Variants in ARSG observed in about 807,000 individuals in gnomAD.
The protein encoded by ARSG is ASG.
A neutral mutation model predicts 50.5 loss-of-function variants in ARSG; 37 were observed. The ratio of observed to expected loss-of-function variants is 0.73; its 90% CI spans 0.56 to 0.96. The LOEUF is 0.96. ARSG is among the 50% of genes least tolerant of loss of function. ARSG has a pLI of 0.00. For synonymous variants in ARSG, 225 were observed against 254.6 expected (o/e 0.88, Z 1.11); for missense variants, 629 against 675.3 (o/e 0.93, Z 0.76).
the ARSG span, among the ~76,000 whole-genome samples, chr17:68,437,967 A>AAAAAAAG: frequency 7.4e-6 from 1 of 135,632 alleles, no homozygotes; most frequent in African/African-American, 2.7e-5. Flanking sequence ...AAAAAAAAAA[A>AAAAAAAG]AAAAAAGTGA....
intron 1 of ARSG, among the ~76,000 whole-genome samples, chr17:68,301,193 C>T (rs148039895): frequency 6.6e-6 from 1 of 152,000 alleles, no homozygotes; most frequent in Non-Finnish European, 1.5e-5. Context: ...TCAAAGATGT[C>T]TTGTGCATCT....
chr17:68,365,769 A>C (rs1323274458), intron 6 of ARSG, among the ~76,000 whole-genome samples: 1 of 152,160 alleles, frequency 6.6e-6, no homozygotes, highest in Non-Finnish European at 1.5e-5. Flanking sequence ...ATGTCACCGA[A>C]TATGGCATTG....
At chr17:68,352,059 CAG>C (rs2078791160) in intron 5 of ARSG, among the ~76,000 whole-genome samples, 2 of 120,954 alleles carry the variant, frequency 1.7e-5, no homozygotes, top group Non-Finnish European at 3.4e-5. Flanking sequence ...AGGAGAGAGA[CAG>C]AGGAGAGAGA....
chr17:68,284,243 A>C (rs1169801069), intron 1 of ARSG, among the ~76,000 whole-genome samples: 1 of 151,996 alleles, frequency 6.6e-6, no homozygotes, highest in Non-Finnish European at 1.5e-5. Flanking sequence ...TCTGCTAAAA[A>C]TGCAAAAACT....
At chr17:68,318,585 C>A (rs1278683692) in intron 2 of ARSG, among the ~76,000 whole-genome samples, 2 of 152,236 alleles carry the variant, frequency 1.3e-5, no homozygotes, top group African/African-American at 2.4e-5. Flanking sequence ...AGATACTTCC[C>A]ATTTGCTTGA....
chr17:68,451,887 T>C, the ARSG span, among the ~76,000 whole-genome samples: 98 of 152,356 alleles, frequency 6.4e-4, 1 homozygote, highest in African/African-American at 2.3e-3. Context: ...CACATTCTTT[T>C]CATATGTGTG....
intron 2 of ARSG, among the ~76,000 whole-genome samples, chr17:68,312,069 C>G (rs1248405434): frequency 3.9e-5 from 6 of 151,996 alleles, no homozygotes; most frequent in Admixed American, 2.0e-4. Context: ...CAAAGTGCTG[C>G]GATTACAGGT....
the ARSG span, among the ~76,000 whole-genome samples, chr17:68,451,233 C>A: frequency 6.6e-6 from 1 of 152,298 alleles, no homozygotes; most frequent in South Asian, 2.1e-4. Flanking sequence ...GAGTTCAAGA[C>A]CAGCCTGGCC....
At chr17:68,386,166 G>A (rs1433123862) in intron 9 of ARSG, among the ~76,000 whole-genome samples, 1 of 152,178 alleles carries the variant, frequency 6.6e-6, no homozygotes, top group Admixed American at 6.5e-5. Flanking sequence ...CCCAGCTATG[G>A]AACCATGACT....
At chr17:68,292,059 C>G (rs781804521) in intron 1 of ARSG, among the ~76,000 whole-genome samples, 11 of 152,128 alleles carry the variant, frequency 7.2e-5, no homozygotes, top group Non-Finnish European at 1.0e-4. Flanking sequence ...GTTCCCCTTC[C>G]GGCAGTGGGG....
intron 1 of ARSG, chr17:68,269,025 C>CCTTGTGT (rs2075241322): frequency 6.3e-7 from 1 of 1,592,100 alleles, no homozygotes; most frequent in African/African-American, 1.4e-5. Context: ...TCCTCTGCCT[C>CCTTGTGT]CTTGTGTCCC....
intron 6 of ARSG, among the ~76,000 whole-genome samples, chr17:68,362,670 C>T (rs939371676): frequency 2.6e-5 from 4 of 152,100 alleles, no homozygotes; most frequent in South Asian, 2.1e-4. Flanking sequence ...TATACTTAAC[C>T]GGCTGAGCAT....
At chr17:68,439,785 C>T in the ARSG span, among the ~76,000 whole-genome samples, 1 of 152,156 alleles carries the variant, frequency 6.6e-6, no homozygotes, top group Non-Finnish European at 1.5e-5. Flanking sequence ...AGGCCTGTTT[C>T]CTGTCTGTGA....
Position 68,381,291 on chromosome 17 carries a change from A to G in ARSG, c.983-3773A>G, listed in dbSNP as rs1465428591. Among the ~76,000 whole-genome samples the G allele has an allele frequency of 6.6e-6, 1 of 152,166 alleles. No homozygotes were observed. The highest frequency in any genetic ancestry group is 1.5e-5 in the Non-Finnish European group (1 of 68,022). On this transcript the variant is annotated intron_variant, in intron 8 of 11. Coordinates refer to ENST00000621439, the MANE Select transcript of ARSG (RefSeq NM_001267727.2). The surrounding 1 kb of genome is among the most constrained non-coding windows in gnomAD (Gnocchi z 4.1). ...GAAGCACAAATAAGCAAATTCATGA[A>G]TCATGGTTTTGTTGATATTTTGGTT...
chr17:68,366,231 G>T lies in ARSG; in HGVS notation c.705-2317G>T, dbSNP rs535001000. On this transcript the variant is annotated intron_variant, in intron 6 of 11. Coordinates refer to ENST00000621439, the MANE Select transcript of ARSG (RefSeq NM_001267727.2). ...TGGGATTACAGGTGTGAGCCACTACGCCTGGCAAAAAAATAAAATAAAATA... is the reference window on the plus strand; with the variant it reads ...TGGGATTACAGGTGTGAGCCACTACTCCTGGCAAAAAAATAAAATAAAATA... 4.1e-5 allele frequency among the ~76,000 whole-genome samples: 5 copies of T among 123,320 alleles called. No individual in the cohort carries two copies. The East Asian group carries it at 8.1e-4, about 20-fold the overall frequency. The allele number at this position is 123,320 out of a possible 152,430, so 80.9% of individuals were successfully genotyped here.
At chr17:68,362,832 C>A (rs377680284) in intron 6 of ARSG, among the ~76,000 whole-genome samples, 2 of 152,158 alleles carry the variant, frequency 1.3e-5, no homozygotes, top group Middle Eastern at 3.4e-3. Flanking sequence ...TTGCCTTTTT[C>A]TCTTTCCTGG....
chr17:68,299,842 A>G (rs1255962828), intron 1 of ARSG, among the ~76,000 whole-genome samples: 2 of 151,954 alleles, frequency 1.3e-5, no homozygotes, highest in African/African-American at 2.4e-5. Context: ...TTTTAAAAGG[A>G]GGGTGTTATG....
downstream of ARSG, chr17:68,426,243 G>T: frequency 5.5e-5 from 51 of 935,228 alleles, 1 homozygote; most frequent in Non-Finnish European, 7.4e-5. Flanking sequence ...CCTGGCGGGT[G>T]GGGAGCGGGG....
At chr17:68,444,650 C>A in the ARSG span, 40,506 of 1,373,038 alleles carry the variant, frequency 0.03, 722 homozygotes, top group Non-Finnish European at 0.035. Flanking sequence ...CTGACCAAAT[C>A]CAAATCATTC....
Sources: allele counts gnomAD v4.1 joint callset (sites outside exome capture counted in the v4.1 genomes callset), GRCh38; gene constraint gnomAD v4.1.1; non-coding constraint Gnocchi (gnomAD v3.1); transcripts MANE v1.5; gene names NCBI Gene and HGNC (gene_info 2026-07-23, HGNC 2026-07-21).